Variants in PCSK6 observed in about 807,000 individuals in gnomAD.
PCSK6 encodes the protein paired basic amino acid cleaving enzyme 4.
A neutral mutation model predicts 123.3 loss-of-function variants in PCSK6; 85 were observed. That is an observed-to-expected ratio of 0.69 (90% confidence interval 0.58 to 0.83). PCSK6 has a LOEUF of 0.83. Among genes scored for constraint, PCSK6 ranks in the 40% least tolerant of loss-of-function variants. The pLI is 0.00. For missense variants in PCSK6, 1,191 were observed against 1,282.3 expected (o/e 0.93, Z 1.09); for synonymous variants, 508 against 516.0 (o/e 0.98, Z 0.21).
intron 19 of PCSK6, among the ~76,000 whole-genome samples, chr15:101,317,863 C>T (rs151043119): frequency 7.9e-5 from 12 of 152,290 alleles, no homozygotes; most frequent in Non-Finnish European, 1.6e-4. Flanking sequence ...TCCAACAAAA[C>T]GTTTTCCTTT....
chr15:101,380,435 G>A (rs1259122254), intron 11 of PCSK6, among the ~76,000 whole-genome samples: 1 of 152,174 alleles, frequency 6.6e-6, no homozygotes, highest in Non-Finnish European at 1.5e-5. Flanking sequence ...CCAGGCTGCA[G>A]GCGTTTTCCA....
At chr15:101,372,125 C>T (rs1369744461) in intron 11 of PCSK6, among the ~76,000 whole-genome samples, 1 of 152,182 alleles carries the variant, frequency 6.6e-6, no homozygotes, top group Non-Finnish European at 1.5e-5. Context: ...AGGGTTCATG[C>T]CTCTTTGAAC....
Position 101,398,322 on chromosome 15 carries a change from C to A in PCSK6, c.996+82G>T. ...TCCCTGTCTTGTTTCAGGGCTGTGG[C>A]CAGTGTCACTCTGATACTTGTTAAA... On this transcript the variant is annotated intron_variant, in intron 7 of 21. Coordinates refer to ENST00000611716, the MANE Select transcript of PCSK6 (RefSeq NM_002570.5). This position sits in a 1 kb window ranked among gnomAD's most constrained non-coding sequence, Gnocchi z 4.6. 1 of 1,474,114 alleles carries A rather than the reference C, an allele frequency of 6.8e-7. No individual in the cohort carries two copies. The highest frequency in any genetic ancestry group is 9.2e-7 in the Non-Finnish European group (1 of 1,084,998). The allele number at this position is 1,474,114 out of a possible 1,614,324, so 91.3% of individuals were successfully genotyped here. A position where few individuals can be genotyped will look rare whatever the true frequency, so the allele number is the denominator to read the frequency against.
intron 6 of PCSK6, among the ~76,000 whole-genome samples, chr15:101,425,810 G>A (rs914297527): frequency 2.6e-5 from 4 of 151,760 alleles, no homozygotes; most frequent in African/African-American, 4.8e-5. Flanking sequence ...GCTATCTAAC[G>A]GTAATGCTGT....
rs142822095 is a variant in PCSK6 at position 101,427,367 on chromosome 15, C to T, written c.823+525G>A. On this transcript the variant is annotated intron_variant, in intron 6 of 21. Coordinates refer to ENST00000611716, the MANE Select transcript of PCSK6 (RefSeq NM_002570.5). ...GAGCCAAGTGGAAAGACGGGGGAGG[C>T]GGGGATGGGAATGGTTCAAGCCCAG... Among the ~76,000 whole-genome samples the T allele has an allele frequency of 5.3e-5, 8 of 152,034 alleles. No homozygotes were observed. In the South Asian group the frequency reaches 1.2e-3, roughly 24 times the overall value.
intron 1 of PCSK6, among the ~76,000 whole-genome samples, chr15:101,463,748 G>A (rs1002463834): frequency 6.6e-6 from 1 of 152,160 alleles, no homozygotes; most frequent in African/African-American, 2.4e-5. Context: ...ACTGAACAAC[G>A]TGCCGGGGAG....
chr15:101,318,403 T>G lies in PCSK6; in HGVS notation c.2485A>C (p.Ile829Leu). The G allele has an allele frequency of 1.3e-6, 2 of 1,561,010 alleles. No homozygotes were observed. Among genetic ancestry groups the G allele is most frequent in the Non-Finnish European group, 1.7e-6 (2 of 1,152,440 alleles). ...TAGGTGCCTGGCTCACAGTCAGGAA[T>G]GCAGCTGCCCCGTGCAAGGCTGTTG... ...EGFSLARGSC[I>L]PDCEPGTYFD... Residue 829 changes from isoleucine to leucine, a missense_variant, in exon 19 of 22, where the codon ATT (isoleucine) becomes CTT (leucine). Transcript: ENST00000611716.
intron 12 of PCSK6, among the ~76,000 whole-genome samples, chr15:101,369,778 C>T (rs1026838716): frequency 5.0e-5 from 7 of 139,294 alleles, no homozygotes; most frequent in African/African-American, 1.8e-4. Context: ...CTTTGGAATT[C>T]CCAGCCCCTG....
chr15:101,369,278 T>C (rs1341816606), intron 12 of PCSK6, among the ~76,000 whole-genome samples: 1 of 152,218 alleles, frequency 6.6e-6, no homozygotes, highest in South Asian at 2.1e-4. Context: ...CCCTGTCTCA[T>C]ACAAAGTGGT....
chr15:101,432,643 C>CA (rs2056484490), intron 2 of PCSK6, among the ~76,000 whole-genome samples: 1 of 147,858 alleles, frequency 6.8e-6, no homozygotes. Context: ...AAAAAAAAGA[C>CA]AGAGAGAGAG....
At chr15:101,373,615 A>G (rs2041648716) in intron 11 of PCSK6, among the ~76,000 whole-genome samples, 1 of 152,244 alleles carries the variant, frequency 6.6e-6, no homozygotes, top group African/African-American at 2.4e-5. Flanking sequence ...AAAATGTTTC[A>G]TGATCATTGT....
At chr15:101,320,517 C>A (rs1596177801) in intron 18 of PCSK6, among the ~76,000 whole-genome samples, 1 of 152,230 alleles carries the variant, frequency 6.6e-6, no homozygotes, top group African/African-American at 2.4e-5. Flanking sequence ...GGAGAAAACA[C>A]TGGTTTTTCC....
rs111372959 is a variant in PCSK6 at position 101,333,858 on chromosome 15, C to T, written c.1859-1827G>A. Among the ~76,000 whole-genome samples the T allele has an allele frequency of 6.6e-5, 10 of 152,308 alleles. 1 individual carries two copies. Among genetic ancestry groups the T allele is most frequent in the East Asian group, 5.8e-4 (3 of 5,186 alleles). Reference sequence around the variant, plus strand: ...CACTGGTGCGATTCGAAATGGCATTCGACACTGACCCATTTACACAATGTG... The same window carrying T: ...CACTGGTGCGATTCGAAATGGCATTTGACACTGACCCATTTACACAATGTG... On this transcript the variant is annotated intron_variant, in intron 13 of 21. Coordinates refer to ENST00000611716, the MANE Select transcript of PCSK6 (RefSeq NM_002570.5).
intron 2 of PCSK6, among the ~76,000 whole-genome samples, chr15:101,442,077 T>C (rs945359526): frequency 2.6e-5 from 4 of 152,316 alleles, no homozygotes; most frequent in East Asian, 1.9e-4. Context: ...AACTACAATC[T>C]GGCTTTTTTC....
At position 101,393,216 on chromosome 15, in the gene PCSK6, T is replaced by C; in HGVS notation, c.1205A>G (p.Lys402Arg). The C allele has an allele frequency of 6.2e-7, 1 of 1,612,310 alleles. No individual in the cohort carries two copies. Among genetic ancestry groups the C allele is most frequent in the Non-Finnish European group, 8.5e-7 (1 of 1,179,182 alleles). ...TYSSGAFYERKIVTTDLRQRC... is the reference protein window; with the variant it reads ...TYSSGAFYERRIVTTDLRQRC... The stretch of plus-strand genomic sequence containing the variant: ...CAACTTGCCAAGAGAACTTACGATT[T>C]TTCGCTCATAAAAGGCCCCACTGCT... The change falls in exon 8 of 22, where the codon AAA becomes AGA. Residue 402 changes from lysine (K) to arginine (R), a missense_variant. Physicochemically the swap from Lys to Arg is conservative, Grantham distance 26. This residue lies in a region of PCSK6 where 357 missense variants were observed against 484.5 expected (regional missense o/e 0.74). Coordinates refer to ENST00000611716, the MANE Select transcript of PCSK6 (RefSeq NM_002570.5).
rs573039092 is a variant in PCSK6, at chr15:101,312,606, G to A, written c.2699+770C>T. On this transcript the variant is annotated intron_variant, in intron 20 of 21. Coordinates refer to ENST00000611716, the MANE Select transcript of PCSK6 (RefSeq NM_002570.5). ...AGCACTTTGGGAGGCTGAGGTGGGT[G>A]GATCACTTGAGGCCAGGAGTTCGAG... Among the ~76,000 whole-genome samples the A allele has an allele frequency of 2.6e-5, 4 of 152,330 alleles. No homozygotes were observed. In the East Asian group the frequency reaches 7.7e-4, roughly 29 times the overall value.
chr15:101,305,124 G>A lies in PCSK6; in HGVS notation c.*134C>T. On this transcript the variant is annotated 3_prime_UTR_variant, in exon 22 of 22. Transcript: ENST00000611716. The surrounding 1 kb of genome is among the most constrained non-coding windows in gnomAD (Gnocchi z 4.8). Reference sequence around the variant, plus strand: ...CACCCACCTGGCTTGGGTGCTCAGAGATGCTGCTCCTGGGGAGATAAAGCT... The same window carrying A: ...CACCCACCTGGCTTGGGTGCTCAGAAATGCTGCTCCTGGGGAGATAAAGCT... 1 of 718,032 alleles carries A rather than the reference G, an allele frequency of 1.4e-6. No homozygotes were observed. The highest frequency in any genetic ancestry group is 2.3e-6 in the Non-Finnish European group (1 of 425,818). 44.5% of individuals were successfully genotyped at this position (718,032 alleles called of 1,614,324 possible). A position where few individuals can be genotyped will look rare whatever the true frequency, so the allele number is the denominator to read the frequency against.
At chr15:101,368,560 A>T (rs373299203) in intron 12 of PCSK6, among the ~76,000 whole-genome samples, 178 of 152,268 alleles carry the variant, frequency 1.2e-3, no homozygotes, top group African/African-American at 4.0e-3. Flanking sequence ...CCTGCCTGCT[A>T]CCTGCTGCCC....
chr15:101,358,313 A>AT (rs1313857385), intron 13 of PCSK6, among the ~76,000 whole-genome samples: 1 of 152,190 alleles, frequency 6.6e-6, no homozygotes, highest in Non-Finnish European at 1.5e-5. Flanking sequence ...ATAAAAAAAA[A>AT]CAAAGTGACA....
Sources: allele counts gnomAD v4.1 joint callset (sites outside exome capture counted in the v4.1 genomes callset), GRCh38; gene constraint gnomAD v4.1.1; regional missense constraint gnomAD v4.1.1; non-coding constraint Gnocchi (gnomAD v3.1); transcripts MANE v1.5; gene names NCBI Gene and HGNC (gene_info 2026-07-23, HGNC 2026-07-21).